The following PPM1E variants were observed in gnomAD, a reference collection of about 807,000 sequenced individuals.
PPM1E encodes protein phosphatase, Mg2+/Mn2+ dependent 1E, also known as protein phosphatase 1E.
Under a neutral mutation model 65.9 loss-of-function variants are expected in PPM1E, and 20 were observed. The ratio of observed to expected loss-of-function variants is 0.30; its 90% CI spans 0.21 to 0.44. The LOEUF (loss-of-function observed/expected upper bound fraction) is 0.44, where lower values mean the gene tolerates loss of function less well. PPM1E is among the 20% of genes least tolerant of loss of function. The pLI is 1.00. For missense variants in PPM1E, 713 were observed against 953.1 expected (o/e 0.75, Z 3.32); for synonymous variants, 352 against 374.9 (o/e 0.94, Z 0.70).
chr17:58,850,164 G>A (rs2050811775), intron 1 of PPM1E, among the ~76,000 whole-genome samples: 1 of 151,556 alleles, frequency 6.6e-6, no homozygotes, highest in Non-Finnish European at 1.5e-5. Flanking sequence ...TTGAGCCTAT[G>A]TGTGTCTCTG....
intron 1 of PPM1E, among the ~76,000 whole-genome samples, chr17:58,877,238 C>A (rs2051138232): frequency 6.6e-6 from 1 of 152,192 alleles, no homozygotes; most frequent in East Asian, 1.9e-4. Flanking sequence ...AGCCTTGGTA[C>A]CTCATTAGGT....
intron 1 of PPM1E, among the ~76,000 whole-genome samples, chr17:58,761,885 G>A (rs758967447): frequency 3.3e-5 from 5 of 152,062 alleles, no homozygotes; most frequent in Admixed American, 6.6e-5. Context: ...ACTTCATTTC[G>A]GCAAAGGAAG....
At chr17:58,817,153 T>G (rs559452316) in intron 1 of PPM1E, among the ~76,000 whole-genome samples, 32 of 152,234 alleles carry the variant, frequency 2.1e-4, no homozygotes, top group African/African-American at 7.2e-4. Context: ...CCACATTTGA[T>G]TTATCCATTT....
intron 1 of PPM1E, among the ~76,000 whole-genome samples, chr17:58,804,836 G>T (rs1190386910): frequency 6.6e-6 from 1 of 152,010 alleles, no homozygotes; most frequent in Non-Finnish European, 1.5e-5. Flanking sequence ...TCAAGTCAGG[G>T]TATTTGGGGT....
intron 1 of PPM1E, among the ~76,000 whole-genome samples, chr17:58,820,140 C>T (rs1398307434): frequency 4.6e-5 from 7 of 152,142 alleles, no homozygotes; most frequent in Non-Finnish European, 8.8e-5. Flanking sequence ...TGGTGCTAAA[C>T]CATTCATAAA....
intron 1 of PPM1E, among the ~76,000 whole-genome samples, chr17:58,905,668 GT>G (rs944477827): frequency 6.6e-6 from 1 of 151,186 alleles, no homozygotes; most frequent in Non-Finnish European, 1.5e-5. Flanking sequence ...TTGGTCTGTA[GT>G]TTTTTTTTCT....
rs543044326 is a variant in PPM1E at position 58,924,172 on chromosome 17, G to A, written c.465-31477G>A. On this transcript the variant is annotated intron_variant, in intron 1 of 6. Coordinates refer to ENST00000308249, the MANE Select transcript of PPM1E (RefSeq NM_014906.5). The stretch of plus-strand genomic sequence containing the variant: ...TGACCTCAAGTGATCTGCCTGCCTC[G>A]GCCTCCCAAAGTGCTGGCATTACAG... 9.3e-5 allele frequency among the ~76,000 whole-genome samples: 14 copies of A among 151,306 alleles called. No individual in the cohort carries two copies. In the East Asian group the frequency reaches 1.8e-3, roughly 19 times the overall value.
At chr17:58,796,549 C>T (rs541773595) in intron 1 of PPM1E, among the ~76,000 whole-genome samples, 5 of 152,278 alleles carry the variant, frequency 3.3e-5, no homozygotes, top group Middle Eastern at 6.8e-3. Context: ...GGATTACAGG[C>T]GTGAGCCACT....
At chr17:58,866,707 C>A (rs1276650203) in intron 1 of PPM1E, among the ~76,000 whole-genome samples, 2 of 152,142 alleles carry the variant, frequency 1.3e-5, no homozygotes, top group Non-Finnish European at 2.9e-5. Context: ...ACAAAATAAT[C>A]CCTGGTATCC....
At chr17:58,777,673 T>C (rs1598564409) in intron 1 of PPM1E, among the ~76,000 whole-genome samples, 1 of 152,242 alleles carries the variant, frequency 6.6e-6, no homozygotes, top group East Asian at 1.9e-4. Context: ...TTAATAACTG[T>C]TGAAAGAATG....
chr17:58,812,589 T>TC (rs1264728800), intron 1 of PPM1E, among the ~76,000 whole-genome samples: 4 of 152,092 alleles, frequency 2.6e-5, no homozygotes. Context: ...TGAGATGGAG[T>TC]CATGCTCTGT....
intron 1 of PPM1E, among the ~76,000 whole-genome samples, chr17:58,885,340 A>C (rs374141191): frequency 1.3e-5 from 2 of 152,242 alleles, no homozygotes; most frequent in African/African-American, 4.8e-5. Flanking sequence ...TACAGGCATG[A>C]GCCACCGTGC....
intron 1 of PPM1E, among the ~76,000 whole-genome samples, chr17:58,891,196 C>T (rs1233188172): frequency 1.3e-5 from 2 of 152,144 alleles, no homozygotes; most frequent in African/African-American, 4.8e-5. Context: ...AAACCCCCGA[C>T]CTCAGGTGAT....
intron 1 of PPM1E, among the ~76,000 whole-genome samples, chr17:58,934,078 A>G (rs978711626): frequency 2.9e-5 from 4 of 139,540 alleles, no homozygotes; most frequent in African/African-American, 1.1e-4. Context: ...ACAGAGCAAG[A>G]CTTCGTATCA....
In PPM1E at chr17:58,921,696, T is replaced by C. The variant is rs980971818; in HGVS notation, c.465-33953T>C. Among the ~76,000 whole-genome samples the C allele has an allele frequency of 2.7e-4, 40 of 148,248 alleles. 1 individual carries two copies. The highest frequency in any genetic ancestry group is 9.7e-4 in the African/African-American group (39 of 40,232). Reference sequence around the variant, plus strand: ...AAAAAAAAAAAATTCAGTGAATCAGTAGAAGAGATGGCCTTAGATAGGATT... The same window carrying C: ...AAAAAAAAAAAATTCAGTGAATCAGCAGAAGAGATGGCCTTAGATAGGATT... On this transcript the variant is annotated intron_variant, in intron 1 of 6. Transcript: ENST00000308249.
chr17:58,959,411 A>G (rs1259201454), intron 2 of PPM1E, among the ~76,000 whole-genome samples: 2 of 151,502 alleles, frequency 1.3e-5, no homozygotes, highest in African/African-American at 2.4e-5. Context: ...CATCCTGGCT[A>G]ACACGGTGAA....
At chr17:58,971,570 A>G (rs759695397) in intron 4 of PPM1E, among the ~76,000 whole-genome samples, 1 of 152,198 alleles carries the variant, frequency 6.6e-6, no homozygotes, top group Non-Finnish European at 1.5e-5. Context: ...TTTTAAAGGT[A>G]TAAGCATCTT....
chr17:58,758,408 A>G (rs2049790041), intron 1 of PPM1E, among the ~76,000 whole-genome samples: 1 of 151,954 alleles, frequency 6.6e-6, no homozygotes, highest in African/African-American at 2.4e-5. Flanking sequence ...CGCGCCTGTA[A>G]TCCCAGATAC....
At chr17:58,814,280 T>C (rs1269884210) in intron 1 of PPM1E, among the ~76,000 whole-genome samples, 1 of 152,162 alleles carries the variant, frequency 6.6e-6, no homozygotes, top group Non-Finnish European at 1.5e-5. Context: ...GAGGCATGCA[T>C]TGCCAAGACA....
Sources: allele counts gnomAD v4.1 joint callset (sites outside exome capture counted in the v4.1 genomes callset), GRCh38; gene constraint gnomAD v4.1.1; transcripts MANE v1.5; gene names NCBI Gene and HGNC (gene_info 2026-07-23, HGNC 2026-07-21).